CHD9: variants seen among roughly 807,000 people sequenced by gnomAD.
CHD9 encodes the protein chromodomain helicase DNA binding protein 9, also known as ATP-dependent chromatin remodeler CHD9.
A neutral mutation model predicts 316.1 loss-of-function variants in CHD9; 77 were observed. The observed-to-expected ratio is 0.24, with a 90% CI of 0.20 to 0.29. The LOEUF (loss-of-function observed/expected upper bound fraction) is 0.29, where lower values mean the gene tolerates loss of function less well. CHD9 is among the 10% of genes least tolerant of loss of function. CHD9 has a pLI of 1.00. For synonymous variants in CHD9, 1,129 were observed against 1,158.3 expected (o/e 0.97, Z 0.51); for missense variants, 2,763 against 3,438.1 (o/e 0.80, Z 4.91).
intron 32 of CHD9, 129 bp downstream of exon 32, chr16:53,306,526 C>A: frequency 1.5e-6 from 1 of 650,154 alleles, no homozygotes; most frequent in Non-Finnish European, 2.4e-6. Flanking sequence ...TTGGTGTTAG[C>A]TCCAAAAGTA....
intron 11 of CHD9, among the ~76,000 whole-genome samples, chr16:53,235,759 G>GT (rs1435343177): frequency 1.3e-5 from 2 of 152,118 alleles, no homozygotes; most frequent in African/African-American, 4.8e-5. Context: ...ATGGGAACCT[G>GT]TAATTAATTA....
At chr16:53,308,894 TTC>T in intron 34 of CHD9, 40 bp downstream of exon 34, 2 of 1,505,352 alleles carry the variant, frequency 1.3e-6, no homozygotes, top group Non-Finnish European at 1.8e-6. Context: ...ATGAAATATT[TTC>T]TGTCATGTCC....
chr16:53,301,108 C>T (rs998125134), intron 30 of CHD9, among the ~76,000 whole-genome samples: 1 of 152,066 alleles, frequency 6.6e-6, no homozygotes, highest in African/African-American at 2.4e-5. Flanking sequence ...ACATTATTCA[C>T]ATCTCAAATG....
chr16:53,137,752 C>T (rs62047990), intron 1 of CHD9, among the ~76,000 whole-genome samples: 31,406 of 151,920 alleles, frequency 0.21, 4,057 homozygotes, highest in Non-Finnish European at 0.28. Flanking sequence ...CATGTTGTAC[C>T]TGTTGGATTA....
chr16:53,148,064 G>A (rs1010624822), intron 1 of CHD9, among the ~76,000 whole-genome samples: 2 of 151,932 alleles, frequency 1.3e-5, no homozygotes, highest in East Asian at 1.9e-4. Flanking sequence ...AAAATTACCC[G>A]GGCATGGTGG....
intron 1 of CHD9, among the ~76,000 whole-genome samples, chr16:53,144,466 A>G (rs189378477): frequency 3.5e-4 from 54 of 152,136 alleles, no homozygotes; most frequent in African/African-American, 1.3e-3. Context: ...CTCTCTTGGA[A>G]CCTTTTGTCC....
At chr16:53,247,266 T>A in intron 15 of CHD9, 27 bp from the exon 16 acceptor site, 1 of 1,500,000 alleles carries the variant, frequency 6.7e-7, no homozygotes, top group Non-Finnish European at 9.2e-7. Flanking sequence ...TGCACATTGC[T>A]GTTATCTTCT....
At position 53,327,442 on chromosome 16, in the gene CHD9, T is replaced by C. The variant is rs1170639495; in HGVS notation, c.*2547T>C. 1 of 152,608 alleles carries C rather than the reference T, an allele frequency of 6.6e-6. No individual in the cohort carries two copies. The highest frequency in any genetic ancestry group is 1.5e-5 in the Non-Finnish European group (1 of 68,006). The allele number at this position is 152,608 out of a possible 1,614,324, so 9.5% of individuals were successfully genotyped here. A position where few individuals can be genotyped will look rare whatever the true frequency, so the allele number is the denominator to read the frequency against. On this transcript the variant is annotated 3_prime_UTR_variant, in exon 39 of 39. Coordinates refer to ENST00000447540, the MANE Select transcript of CHD9 (RefSeq NM_001308319.2). ...TTTATTAAATTACTTTCTATGATGT[T>C]CTATAGAGCAAATGGAAGTTTAATT...
At chr16:53,111,756 T>C (rs1195231264) in intron 1 of CHD9, among the ~76,000 whole-genome samples, 1 of 152,238 alleles carries the variant, frequency 6.6e-6, no homozygotes, top group East Asian at 1.9e-4. Flanking sequence ...TATTTGCTAC[T>C]AAAAAACGTT....
intron 12 of CHD9, among the ~76,000 whole-genome samples, chr16:53,239,320 C>T (rs1178363908): frequency 6.6e-6 from 1 of 152,018 alleles, no homozygotes; most frequent in African/African-American, 2.4e-5. Flanking sequence ...CATGGTGGCT[C>T]ACACTTATAA....
chr16:53,185,686 T>C (rs1038390861), intron 2 of CHD9, among the ~76,000 whole-genome samples: 1 of 152,120 alleles, frequency 6.6e-6, no homozygotes, highest in Admixed American at 6.5e-5. Context: ...GGGAAAAATG[T>C]TTTCTTGGGC....
intron 3 of CHD9, among the ~76,000 whole-genome samples, chr16:53,220,464 GC>G (rs1307397290): frequency 6.6e-6 from 1 of 152,032 alleles, no homozygotes; most frequent in Non-Finnish European, 1.5e-5. Context: ...CATTCCCACA[GC>G]CCTAGATTAC....
At chr16:53,248,838 A>G (rs1223703463) in intron 16 of CHD9, among the ~76,000 whole-genome samples, 2 of 152,014 alleles carry the variant, frequency 1.3e-5, no homozygotes, top group South Asian at 2.1e-4. Context: ...TTTTAATTCA[A>G]TAGATTTTAA....
chr16:53,108,596 C>T (rs913943781), intron 1 of CHD9, among the ~76,000 whole-genome samples: 6 of 151,740 alleles, frequency 4.0e-5, no homozygotes, highest in Admixed American at 1.3e-4. Context: ...TGTGTGGGGC[C>T]GGGCGCGGTG....
intron 12 of CHD9, among the ~76,000 whole-genome samples, chr16:53,238,939 C>G (rs2152941628): frequency 6.6e-6 from 1 of 152,206 alleles, no homozygotes; most frequent in Non-Finnish European, 1.5e-5. Flanking sequence ...CATTGTCCAG[C>G]TTTTTTCCCG....
chr16:53,219,035 G>A (rs553974737), intron 3 of CHD9, among the ~76,000 whole-genome samples: 23 of 152,222 alleles, frequency 1.5e-4, no homozygotes, highest in Admixed American at 6.5e-4. Context: ...GTTCGTACTG[G>A]GAGAGGCATG....
chr16:53,277,807 A>T (rs756759899), intron 24 of CHD9, among the ~76,000 whole-genome samples: 24 of 152,180 alleles, frequency 1.6e-4, no homozygotes, highest in Admixed American at 7.9e-4. Context: ...GGTAAAGAGG[A>T]TGTCAAATTG....
At chr16:53,198,461 G>A (rs923464803) in intron 2 of CHD9, among the ~76,000 whole-genome samples, 3 of 151,830 alleles carry the variant, frequency 2.0e-5, no homozygotes, top group African/African-American at 7.3e-5. Context: ...CAAGTAGCTG[G>A]GATTACAGGC....
chr16:53,166,027 G>A (rs1474979606), intron 2 of CHD9, among the ~76,000 whole-genome samples: 1 of 152,092 alleles, frequency 6.6e-6, no homozygotes, highest in Non-Finnish European at 1.5e-5. Context: ...GTCTGACTAA[G>A]CCAAAGCATA....
Sources: allele counts gnomAD v4.1 joint callset (sites outside exome capture counted in the v4.1 genomes callset), GRCh38; gene constraint gnomAD v4.1.1; transcripts MANE v1.5; gene names NCBI Gene and HGNC (gene_info 2026-07-23, HGNC 2026-07-21).